Variants in DNAJA4 observed in about 807,000 individuals in gnomAD.
DNAJA4 encodes the protein dnaJ homolog subfamily A member 4.
DNAJA4 carries 32 observed loss-of-function variants against 39.7 expected under a neutral mutation model. The observed-to-expected ratio is 0.81, with a 90% CI of 0.61 to 1.08. The LOEUF is 1.08. DNAJA4 is among the 50% of genes least tolerant of loss of function. DNAJA4 has a pLI of 0.00. For missense variants in DNAJA4, 439 were observed against 505.1 expected (o/e 0.87, Z 1.25); for synonymous variants, 184 against 182.4 (o/e 1.01, Z -0.07).
intron 2 of DNAJA4, among the ~76,000 whole-genome samples, chr15:78,271,275 T>C (rs1360303620): frequency 6.6e-6 from 1 of 152,174 alleles, no homozygotes; most frequent in Non-Finnish European, 1.5e-5. Context: ...TCCTCTGTTG[T>C]TGGGGTCAGG....
rs778706654 is a variant in DNAJA4 at position 78,275,483 on chromosome 15, G to T, written c.647-15G>T. On this transcript the variant is annotated splice_polypyrimidine_tract_variant and intron_variant, in intron 4 of 6. Transcript: ENST00000394852. Reference sequence around the variant, plus strand: ...TATGAGAAATGGCTAATCAGAAAGGGATGATGTTTCATAGGTATGAAAGAT... The same window carrying T: ...TATGAGAAATGGCTAATCAGAAAGGTATGATGTTTCATAGGTATGAAAGAT... 1.9e-6 allele frequency: 3 copies of T among 1,596,972 alleles called. No homozygotes were observed. Among genetic ancestry groups the T allele is most frequent in the African/African-American group, 1.3e-5 (1 of 74,444 alleles).
At position 78,281,663 on chromosome 15, in the gene DNAJA4, A is replaced by C. The variant is rs2049662316; in HGVS notation, c.*1203A>C. 1 of 152,194 alleles carries C rather than the reference A, an allele frequency of 6.6e-6. No individual in the cohort carries two copies. Among genetic ancestry groups the C allele is most frequent in the African/African-American group, 2.4e-5 (1 of 41,446 alleles). The allele number at this position is 152,194 out of a possible 1,614,324, so 9.4% of individuals were successfully genotyped here. A position where few individuals can be genotyped will look rare whatever the true frequency, so the allele number is the denominator to read the frequency against. On this transcript the variant is annotated 3_prime_UTR_variant, in exon 7 of 7. Coordinates refer to ENST00000394852, the MANE Select transcript of DNAJA4 (RefSeq NM_001130182.2). ...CCTCAGTCTTTAGCCATTACTGCTTATTTCTTTTCCCCAAGTCACAAAAAA... is the reference window on the plus strand; with the variant it reads ...CCTCAGTCTTTAGCCATTACTGCTTCTTTCTTTTCCCCAAGTCACAAAAAA...
intron 1 of DNAJA4, chr15:78,265,873 G>A: frequency 1.7e-6 from 1 of 599,744 alleles, no homozygotes; most frequent in East Asian, 2.8e-5. Context: ...TAGCATTTAA[G>A]ACCTGTGGAA....
chr15:78,264,227 C>A, upstream of DNAJA4: 1 of 1,019,292 alleles, frequency 9.8e-7, no homozygotes, highest in Non-Finnish European at 1.3e-6. Flanking sequence ...CACGGACCCA[C>A]GGAAGGGCAA....
chr15:78,265,679 T>C (rs1347533968), intron 1 of DNAJA4: 2 of 701,836 alleles, frequency 2.8e-6, no homozygotes, highest in Non-Finnish European at 2.6e-6. Flanking sequence ...CCCACCTGAA[T>C]AGGTGAATTG....
In DNAJA4 at chr15:78,274,327, C is replaced by A; in HGVS notation, c.549C>A (p.Gly183=). The change falls in exon 4 of 7, where the codon GGC becomes GGA. Residue 183 remains glycine (G), a synonymous_variant. Transcript: ENST00000394852. ...QIQTVCIECK[G]QGERINPKDR... ...AGACCGTGTGCATCGAGTGCAAGGG[C>A]CAGGGTGAGCGCATCAACCCCAAGG... 3.1e-6 allele frequency: 5 copies of A among 1,614,166 alleles called. No homozygotes were observed. The highest frequency in any genetic ancestry group is 4.2e-6 in the Non-Finnish European group (5 of 1,180,032).
In DNAJA4 at chr15:78,274,306, C is replaced by T. The variant is rs573258935; in HGVS notation, c.528C>T (p.Thr176=). ...CGGGCATGGTACAGCAGATCCAGAC[C>T]GTGTGCATCGAGTGCAAGGGCCAGG... ...IGPGMVQQIQ[T]VCIECKGQGE... is the part of the protein sequence containing the mutation. The change falls in exon 4 of 7, where the codon ACC becomes ACT. Residue 176 remains threonine, a synonymous_variant. Coordinates refer to ENST00000394852, the MANE Select transcript of DNAJA4 (RefSeq NM_001130182.2). 18 of 1,614,134 alleles carry T rather than the reference C, an allele frequency of 1.1e-5. No homozygotes were observed. Among genetic ancestry groups the T allele is most frequent in the East Asian group, 4.5e-5 (2 of 44,872 alleles).
chr15:78,273,071 T>TG (rs775410073), intron 2 of DNAJA4, 24 bp from the exon 3 acceptor site: 16 of 1,348,104 alleles, frequency 1.2e-5, no homozygotes, highest in Non-Finnish European at 1.7e-5. Context: ...TCAACGCCAC[T>TG]AATTTTTTTT....
Position 78,279,920 on chromosome 15 carries a change from A to G in DNAJA4, c.878-125A>G. 2.5e-6 allele frequency: 2 copies of G among 808,700 alleles called. No homozygotes were observed. The highest frequency in any genetic ancestry group is 2.0e-6 in the Non-Finnish European group (1 of 504,708). The allele number at this position is 808,700 out of a possible 1,614,324, so 50.1% of individuals were successfully genotyped here. ...GGATTGGGGCCAGCTTTCCAGTCAG[A>G]TGCCACGTTTCCTTTGCCCACTGCC... On this transcript the variant is annotated intron_variant, in intron 5 of 6. Transcript: ENST00000394852. The surrounding 1 kb of genome is among the most constrained non-coding windows in gnomAD (Gnocchi z 4.5).
rs1201310933 is a variant in DNAJA4 at position 78,274,273 on chromosome 15, G to C, written c.495G>C (p.Gln165His). The C allele has an allele frequency of 1.9e-6, 3 of 1,614,182 alleles. No homozygotes were observed. The highest frequency in any genetic ancestry group is 2.5e-6 in the Non-Finnish European group (3 of 1,180,032). ...KGRGMQIHIQ[Q>H]IGPGMVQQIQ... ...GGGGGATGCAGATCCACATCCAGCAGATCGGGCCGGGCATGGTACAGCAGA... is the reference window on the plus strand; with the variant it reads ...GGGGGATGCAGATCCACATCCAGCACATCGGGCCGGGCATGGTACAGCAGA... Residue 165 changes from glutamine (Q) to histidine (H), a missense_variant, in exon 4 of 7, where the codon CAG becomes CAC. By Grantham distance (24) the Gln-to-His change is conservative. Coordinates refer to ENST00000394852, the MANE Select transcript of DNAJA4 (RefSeq NM_001130182.2).
chr15:78,266,693 G>A (rs2049132581), intron 1 of DNAJA4, among the ~76,000 whole-genome samples: 1 of 152,134 alleles, frequency 6.6e-6, no homozygotes, highest in South Asian at 2.1e-4. Context: ...TACTTTAATG[G>A]TGATTACTTG....
Position 78,280,284 on chromosome 15 carries a change from C to T in DNAJA4, c.1018C>T (p.Leu340Phe), listed in dbSNP as rs910362803. Residue 340 changes from leucine to phenylalanine, a missense_variant, in exon 7 of 7, where the codon CTT (leucine) becomes TTT (phenylalanine). By Grantham distance (22) the Leu-to-Phe change is conservative (BLOSUM62 0). Transcript: ENST00000394852. Reference sequence around the variant, plus strand: ...AAAACACTGGCTTTCTCTGGAAAAGCTTCCTCAGCTGGAAGCTTTACTCCC... The same window carrying T: ...AAAACACTGGCTTTCTCTGGAAAAGTTTCCTCAGCTGGAAGCTTTACTCCC... ...PEKHWLSLEK[L>F]PQLEALLPPR... 1.9e-6 allele frequency: 3 copies of T among 1,614,122 alleles called. No individual in the cohort carries two copies. The highest frequency in any genetic ancestry group is 2.5e-6 in the Non-Finnish European group (3 of 1,180,040).
intron 1 of DNAJA4, chr15:78,265,429 T>A: frequency 1.4e-6 from 1 of 700,686 alleles, no homozygotes; most frequent in Non-Finnish European, 2.6e-6. Flanking sequence ...ACCTACTGCC[T>A]ACCTGATAAA....
rs369839664 is a variant in DNAJA4 at position 78,276,208 on chromosome 15, G to C, written c.877+480G>C. On this transcript the variant is annotated intron_variant, in intron 5 of 6. Coordinates refer to ENST00000394852, the MANE Select transcript of DNAJA4 (RefSeq NM_001130182.2). Reference sequence around the variant, plus strand: ...TTAATAGGTGGTGTTTTTCTATCAAGTGGTGATTTGTGCTGATTCATCCAC... The same window carrying C: ...TTAATAGGTGGTGTTTTTCTATCAACTGGTGATTTGTGCTGATTCATCCAC... 9.8e-5 allele frequency among the ~76,000 whole-genome samples: 15 copies of C among 152,322 alleles called. No individual in the cohort carries two copies. The East Asian group carries it at 2.7e-3, about 27-fold the overall frequency.
In DNAJA4 at chr15:78,281,445, G is replaced by C. The variant is rs561500303; in HGVS notation, c.*985G>C. 1 of 149,526 alleles carries C rather than the reference G, an allele frequency of 6.7e-6. No homozygotes were observed. The highest frequency in any genetic ancestry group is 2.1e-4 in the South Asian group (1 of 4,828). The allele number at this position is 149,526 out of a possible 1,614,324, so 9.3% of individuals were successfully genotyped here. ...CTCCCAGATTGAGCTCCCTTCCAAA[G>C]GATCGTTCCTCTCATTGCACAGCCA... is the stretch of plus-strand genomic sequence containing the variant. On this transcript the variant is annotated 3_prime_UTR_variant, in exon 7 of 7. Transcript: ENST00000394852.
chr15:78,267,175 T>TGTGTATGTGAGG (rs1465200634), intron 1 of DNAJA4, among the ~76,000 whole-genome samples: 1 of 108,076 alleles, frequency 9.3e-6, no homozygotes, highest in Non-Finnish European at 2.0e-5. Flanking sequence ...AGTGTGTGAG[T>TGTGTATGTGAGG]GTGTGAGTGT....
intron 2 of DNAJA4, among the ~76,000 whole-genome samples, chr15:78,272,206 A>G (rs974109264): frequency 2.6e-5 from 4 of 152,042 alleles, no homozygotes; most frequent in Non-Finnish European, 4.4e-5. Context: ...GCGCGGTGGC[A>G]GGCGCCTGTA....
chr15:78,274,132 C>T (rs780832678), intron 3 of DNAJA4, 65 bp from the exon 4 acceptor site: 20 of 1,492,140 alleles, frequency 1.3e-5, no homozygotes, highest in South Asian at 5.1e-5. Context: ...TCTGCCATGG[C>T]GCCCAGCAGG....
intron 5 of DNAJA4, among the ~76,000 whole-genome samples, chr15:78,277,441 G>T (rs557088025): frequency 1.9e-4 from 29 of 152,298 alleles, no homozygotes; most frequent in Non-Finnish European, 3.8e-4. Flanking sequence ...AAATTTGCAT[G>T]AAAATTTAAA....
Sources: gnomAD v4.1 joint callset for allele counts (sites outside exome capture counted in the v4.1 genomes callset) on GRCh38, gnomAD v4.1.1 for gene constraint, Gnocchi (gnomAD v3.1) non-coding constraint, MANE v1.5 for transcripts, NCBI Gene and HGNC (gene_info 2026-07-23, HGNC 2026-07-21) for gene names.